CRTC2: variants seen among roughly 807,000 people sequenced by gnomAD.
CRTC2 encodes the protein CREB regulated transcription coactivator 2.
CRTC2 carries 25 observed loss-of-function variants against 70.9 expected under a neutral mutation model. That is an observed-to-expected ratio of 0.35 (90% CI 0.26 to 0.49). CRTC2 has a LOEUF of 0.49. Ranked by LOEUF, CRTC2 falls within the 20% of genes least tolerant of loss-of-function variation. The probability of loss-of-function intolerance (pLI) is 0.98; values close to 1 mark genes in which losing one functional copy is unlikely to be tolerated. For missense variants in CRTC2, 737 were observed against 882.6 expected, an observed-to-expected ratio of 0.83 and a Z score of 2.09; for synonymous variants, 330 against 364.1, an observed-to-expected ratio of 0.91 and a Z score of 1.07.
At chr1:153,951,206 T>C (rs991254728) in intron 11 of CRTC2, 54 bp downstream of exon 11, 3 of 1,580,662 alleles carry the variant, frequency 1.9e-6, no homozygotes, top group Middle Eastern at 1.7e-4. Context: ...GGAAACAACA[T>C]GGCAGGAGAA....
Position 153,948,460 on chromosome 1 carries a change from G to A in CRTC2, c.1859C>T (p.Thr620Ile). ...RHGSGPNIIL[T>I]GDSSPGFSKE... ...CATCACCACCCACCCCCATTCACCT[G>A]TGAGGATGATGTTAGGCCCTGAGCC... is the stretch of plus-strand genomic sequence containing the variant. Residue 620 changes from threonine (T) to isoleucine (I), a missense_variant and splice_region_variant, in exon 13 of 14, where the codon ACA (threonine) becomes ATA (isoleucine). Thr to Ile is a moderately conservative substitution (Grantham distance 89, BLOSUM62 -1). This residue lies in a region of CRTC2 where 699 missense variants were observed against 823.7 expected (regional missense o/e 0.85). Coordinates refer to ENST00000368633, the MANE Select transcript of CRTC2 (RefSeq NM_181715.3). 1 of 1,605,868 alleles carries A rather than the reference G, an allele frequency of 6.2e-7. No individual in the cohort carries two copies. The highest frequency in any genetic ancestry group is 8.5e-7 in the Non-Finnish European group (1 of 1,175,134).
chr1:153,952,196 G>GC lies in CRTC2; in HGVS notation c.818dup (p.Ser274LeufsTer4). 1 of 1,613,546 alleles carries GC rather than the reference G, an allele frequency of 6.2e-7. No homozygotes were observed. The highest frequency in any genetic ancestry group is 8.5e-7 in the Non-Finnish European group (1 of 1,179,664). The stretch of plus-strand genomic sequence containing the variant: ...GCAGGTTGGTGAGGTCAGGTAGGGA[G>GC]CCCCCCGTGTTCATGGCAGGTGGGA... On this transcript the variant is annotated frameshift_variant, in exon 10 of 14. Transcript: ENST00000368633. LOFTEE classifies it high-confidence loss of function.
In CRTC2 at chr1:153,948,264, C is replaced by G. The variant is rs182932650; in HGVS notation, c.1927G>C (p.Val643Leu). 16 of 1,614,138 alleles carry G rather than the reference C, an allele frequency of 9.9e-6. No homozygotes were observed. ...CCTAGCTCCAATCCAGCTGCTGACA[C>G]CTCAAAGCCAGGCACTCCGGCCAGG... ...AALAGVPGFEVSAAGLELGLG... is the reference protein window; with the variant it reads ...AALAGVPGFELSAAGLELGLG... Residue 643 changes from valine to leucine, a missense_variant, in exon 14 of 14, where the codon GTG becomes CTG. Val to Leu is a conservative substitution (Grantham distance 32). Around this residue, in one of 3 missense-constraint regions of CRTC2, gnomAD observed 699 missense variants for 823.7 expected, o/e 0.85. Transcript: ENST00000368633.
intron 11 of CRTC2, among the ~76,000 whole-genome samples, 186 bp downstream of exon 11, chr1:153,951,074 G>A (rs894078759): frequency 3.6e-4 from 55 of 152,302 alleles, no homozygotes; most frequent in African/African-American, 1.2e-3. Flanking sequence ...CTTAACCACA[G>A]CGTTTGGGTT....
rs765393749 is a variant in CRTC2 at position 153,949,197 on chromosome 1, T to C, written c.1592A>G (p.Tyr531Cys). 16 of 1,614,036 alleles carry C rather than the reference T, an allele frequency of 9.9e-6. No individual in the cohort carries two copies. The highest frequency in any genetic ancestry group is 1.4e-5 in the Non-Finnish European group (16 of 1,179,978). Reference sequence around the variant, plus strand: ...GGGCCCAGGTGGGTACGGTGTCCCATAATGAGACTGCCTGCCTGGGGGCTG... The same window carrying C: ...GGGCCCAGGTGGGTACGGTGTCCCACAATGAGACTGCCTGCCTGGGGGCTG... Reference protein sequence around the residue: ...GGQPPGRQSHYGTPYPPGPSG... With the variant: ...GGQPPGRQSHCGTPYPPGPSG... The change falls in exon 12 of 14, where the codon TAT (tyrosine) becomes TGT (cysteine). Residue 531 changes from tyrosine to cysteine, a missense_variant. Around this residue, in one of 3 missense-constraint regions of CRTC2, gnomAD observed 699 missense variants for 823.7 expected, o/e 0.85. Transcript: ENST00000368633.
In CRTC2 at chr1:153,949,374, A is replaced by G. The variant is rs1199884572; in HGVS notation, c.1415T>C (p.Leu472Pro). Residue 472 changes from leucine (L) to proline (P), a missense_variant, in exon 12 of 14, where the codon CTG becomes CCG. Physicochemically the swap from Leu to Pro is moderately conservative, Grantham distance 98 (BLOSUM62 -3). This residue lies in a region of CRTC2 where 699 missense variants were observed against 823.7 expected (regional missense o/e 0.85). Transcript: ENST00000368633. Reference sequence around the variant, plus strand: ...GTCAGTGGACAGTTTACTGGTATCCAGGGGGACGCCCTGAAAAGAAGTAAA... The same window carrying G: ...GTCAGTGGACAGTTTACTGGTATCCGGGGGGACGCCCTGAAAAGAAGTAAA... ...TLSSITQGVP[L>P]DTSKLSTDQR... The G allele has an allele frequency of 6.2e-7, 1 of 1,609,044 alleles. No individual in the cohort carries two copies. Among genetic ancestry groups the G allele is most frequent in the East Asian group, 2.2e-5 (1 of 44,820 alleles).
Position 153,948,515 on chromosome 1 carries a change from G to A in CRTC2, c.1804C>T (p.His602Tyr). The A allele has an allele frequency of 6.2e-7, 1 of 1,612,320 alleles. No individual in the cohort carries two copies. The highest frequency in any genetic ancestry group is 8.5e-7 in the Non-Finnish European group (1 of 1,179,092). The change falls in exon 13 of 14, where the codon CAC (histidine) becomes TAC (tyrosine). Residue 602 changes from histidine to tyrosine, a missense_variant. His to Tyr is a moderately conservative substitution (Grantham distance 83). Transcript: ENST00000368633. Reference protein sequence around the residue: ...GGPQDPHTFNHQNLTHCSRHG... With the variant: ...GGPQDPHTFNYQNLTHCSRHG... ...CGGGAACAGTGGGTCAAGTTCTGGT[G>A]GTTGAAGGTGTGGGGATCCTGGGGG...
At chr1:153,951,894 G>T in intron 10 of CRTC2, 124 bp downstream of exon 10, 1 of 1,334,078 alleles carries the variant, frequency 7.5e-7, no homozygotes, top group Non-Finnish European at 1.0e-6. Context: ...AGGGAATCCT[G>T]GGGTGCAGAG....
chr1:153,949,155 T>C lies in CRTC2; in HGVS notation c.1634A>G (p.Gln545Arg). Reference protein sequence around the residue: ...YPPGPSGHGQQSYHRPMSDFN... With the variant: ...YPPGPSGHGQRSYHRPMSDFN... ...GTCACTCATTGGCCGGTGGTAAGAC[T>C]GTTGCCCATGCCCACTGGGCCCAGG... The change falls in exon 12 of 14, where the codon CAG becomes CGG. Residue 545 changes from glutamine (Q) to arginine (R), a missense_variant. Gln to Arg is a conservative substitution (Grantham distance 43, BLOSUM62 1). This residue lies in a region of CRTC2 where 699 missense variants were observed against 823.7 expected (regional missense o/e 0.85). Transcript: ENST00000368633. The C allele has an allele frequency of 6.2e-7, 1 of 1,613,200 alleles. No individual in the cohort carries two copies. Among genetic ancestry groups the C allele is most frequent in the East Asian group, 2.2e-5 (1 of 44,868 alleles).
At chr1:153,956,329 G>A (rs759908838) in intron 1 of CRTC2, among the ~76,000 whole-genome samples, 1 of 152,238 alleles carries the variant, frequency 6.6e-6, no homozygotes, top group Non-Finnish European at 1.5e-5. Context: ...CCTCACTTTG[G>A]GGAGCTATGT....
At chr1:153,954,346 G>A in intron 3 of CRTC2, 30 bp from the exon 4 acceptor site, 2 of 1,547,768 alleles carry the variant, frequency 1.3e-6, no homozygotes, top group Non-Finnish European at 1.8e-6. Flanking sequence ...GAAAAAAGTA[G>A]AGAGGACAGA....
chr1:153,952,525 G>A (rs1680386079), intron 8 of CRTC2, 46 bp downstream of exon 8: 1 of 1,612,148 alleles, frequency 6.2e-7, no homozygotes, highest in African/African-American at 1.3e-5. Context: ...CATGGCAAGG[G>A]GATAGCAGAG....
rs762975258 is a variant in CRTC2 at position 153,949,209 on chromosome 1, C to G, written c.1580G>C (p.Arg527Thr). The G allele has an allele frequency of 6.2e-6, 10 of 1,614,012 alleles. No individual in the cohort carries two copies. The highest frequency in any genetic ancestry group is 5.0e-5 in the Admixed American group (3 of 60,000). ...VQSSGGQPPG[R>T]QSHYGTPYPP... ...GTACGGTGTCCCATAATGAGACTGCCTGCCTGGGGGCTGCCCACCTGAGGA... is the reference window on the plus strand; with the variant it reads ...GTACGGTGTCCCATAATGAGACTGCGTGCCTGGGGGCTGCCCACCTGAGGA... The change falls in exon 12 of 14, where the codon AGG becomes ACG. Residue 527 changes from arginine (R) to threonine (T), a missense_variant. Physicochemically the swap from Arg to Thr is moderately conservative, Grantham distance 71. Transcript: ENST00000368633.
At chr1:153,953,669 G>C in intron 4 of CRTC2, 63 bp from the exon 5 acceptor site, 3 of 1,245,638 alleles carry the variant, frequency 2.4e-6, no homozygotes, top group Non-Finnish European at 3.4e-6. Flanking sequence ...GTGGGCATAG[G>C]GGTTGGAAAA....
At chr1:153,953,514 C>T (rs1188879918) in intron 5 of CRTC2, 24 bp downstream of exon 5, 3 of 1,604,472 alleles carry the variant, frequency 1.9e-6, no homozygotes, top group African/African-American at 2.7e-5. Flanking sequence ...AGAGATCTGG[C>T]CTAAAGAAGG....
At position 153,952,402 on chromosome 1, in the gene CRTC2, T is replaced by G. The variant is rs769191695; in HGVS notation, c.747A>C (p.Gly249=). The G allele has an allele frequency of 1.7e-5, 27 of 1,614,008 alleles. No individual in the cohort carries two copies. In the African/African-American group the frequency reaches 3.5e-4, roughly 21 times the overall value. The change falls in exon 9 of 14, where the codon GGA becomes GGC. Residue 249 remains glycine, a synonymous_variant. Coordinates refer to ENST00000368633, the MANE Select transcript of CRTC2 (RefSeq NM_181715.3). ...CAACCTCAGGGAGTACTTACTTAAT[T>G]CCAGGGACTTCACAGGACCGAGGTC... is the stretch of plus-strand genomic sequence containing the variant. ...SSRPRSCEVP[G]INIFPSPDQP...
intron 1 of CRTC2, among the ~76,000 whole-genome samples, chr1:153,957,506 G>A (rs1177250351): frequency 3.3e-5 from 5 of 152,092 alleles, no homozygotes; most frequent in Admixed American, 2.6e-4. Flanking sequence ...AAGAAACCAA[G>A]CCAGGGGGGC....
chr1:153,948,898 A>T (rs1680169310), intron 12 of CRTC2: 6 of 741,882 alleles, frequency 8.1e-6, no homozygotes, highest in African/African-American at 1.7e-5. Context: ...ATCAAAGAGC[A>T]AGCTGAGCAG....
Position 153,955,767 on chromosome 1 carries a change from T to C in CRTC2, c.154-601A>G, listed in dbSNP as rs371905947. On this transcript the variant is annotated intron_variant, in intron 1 of 13. Coordinates refer to ENST00000368633, the MANE Select transcript of CRTC2 (RefSeq NM_181715.3). ...TTGGGGTTTGAAAGGTCCACCGAGA[T>C]TTGGTGCAAATAACCCACCAGAGCC... Among the ~76,000 whole-genome samples, 3 of 149,738 alleles carry C rather than the reference T, an allele frequency of 2.0e-5. No individual in the cohort carries two copies. In the East Asian group the frequency reaches 5.9e-4, roughly 29 times the overall value.
Sources: gnomAD v4.1 joint callset for allele counts (sites outside exome capture counted in the v4.1 genomes callset) on GRCh38, gnomAD v4.1.1 for gene constraint, gnomAD v4.1.1 regional missense constraint, MANE v1.5 for transcripts, NCBI Gene and HGNC (gene_info 2026-07-23, HGNC 2026-07-21) for gene names.